Variants in AGPAT4 observed in about 807,000 individuals in gnomAD.
AGPAT4 encodes the protein 1-acylglycerol-3-phosphate O-acyltransferase 4, also known as 1-acyl-sn-glycerol-3-phosphate acyltransferase delta.
A neutral mutation model predicts 48.0 loss-of-function variants in AGPAT4; 15 were observed. The observed-to-expected ratio is 0.31, with a 90% confidence interval of 0.21 to 0.48. The LOEUF (loss-of-function observed/expected upper bound fraction) is 0.48. AGPAT4 is among the 20% of genes least tolerant of loss of function. The pLI, the probability that AGPAT4 is intolerant of heterozygous loss-of-function variation, is 0.99. For missense variants in AGPAT4, 314 were observed against 482.5 expected (o/e 0.65, Z 3.27); for synonymous variants, 178 against 198.7 (o/e 0.90, Z 0.88).
At chr6:161,256,319 C>T (rs769345367) in intron 1 of AGPAT4, among the ~76,000 whole-genome samples, 35 of 152,176 alleles carry the variant, frequency 2.3e-4, no homozygotes, top group African/African-American at 2.9e-4. Context: ...CGCATGGTGA[C>T]GGCAGCGACC....
intron 2 of AGPAT4, among the ~76,000 whole-genome samples, chr6:161,227,488 C>T (rs1424999992): frequency 6.6e-6 from 1 of 152,176 alleles, no homozygotes; most frequent in Non-Finnish European, 1.5e-5. Flanking sequence ...TCTCCGTGGT[C>T]GTTAATTTCA....
In AGPAT4 at chr6:161,212,743, T is replaced by C. The variant is rs36030076; in HGVS notation, c.178+19293A>G. On this transcript the variant is annotated intron_variant, in intron 2 of 8. Coordinates refer to ENST00000320285, the MANE Select transcript of AGPAT4 (RefSeq NM_020133.3). This position sits in a 1 kb window ranked among gnomAD's most constrained non-coding sequence, Gnocchi z 6.1. ...ATGGCTACCCTAATACATTTTGTCA[T>C]CCATGGACAATTGTCTTGTTTTGGT... Among the ~76,000 whole-genome samples, 16,658 of 152,226 alleles carry C rather than the reference T, an allele frequency of 0.11. 1,157 individuals carry two copies. The highest frequency in any genetic ancestry group is 0.2 in the African/African-American group (8,207 of 41,506).
Position 161,153,464 on chromosome 6 carries a change from C to A in AGPAT4, c.546G>T (p.Glu182Asp), listed in dbSNP as rs1562314800. 6.2e-7 allele frequency: 1 copy of A among 1,613,656 alleles called. No homozygotes were observed. Among genetic ancestry groups the A allele is most frequent in the East Asian group, 2.2e-5 (1 of 44,882 alleles). The change falls in exon 5 of 9, where the codon GAG becomes GAT. Residue 182 changes from glutamate to aspartate, a missense_variant. Coordinates refer to ENST00000320285, the MANE Select transcript of AGPAT4 (RefSeq NM_020133.3). ...LIHCEGTRFT[E>D]KKHEISMQVA... The stretch of plus-strand genomic sequence containing the variant: ...CCTGCATGCTGATCTCATGCTTCTT[C>A]TCCGTGAACCGTGTGCCCTCACAGT...
In AGPAT4 at chr6:161,272,822, T is replaced by G. The variant is rs2114770298; in HGVS notation, c.-90+1116A>C. Among the ~76,000 whole-genome samples the G allele has an allele frequency of 6.6e-6, 1 of 152,260 alleles. No individual in the cohort carries two copies. Among genetic ancestry groups the G allele is most frequent in the South Asian group, 2.1e-4 (1 of 4,826 alleles). ...AGATGAGTTAATCCTTCCACAGTTT[T>G]GAAAAAGTCTAGCAACCCTCACCTT... On this transcript the variant is annotated intron_variant, in intron 1 of 8. Coordinates refer to ENST00000320285, the MANE Select transcript of AGPAT4 (RefSeq NM_020133.3). The surrounding 1 kb of genome is among the most constrained non-coding windows in gnomAD (Gnocchi z 4.2).
chr6:161,237,249 T>C (rs929166590), intron 1 of AGPAT4, among the ~76,000 whole-genome samples: 2 of 152,180 alleles, frequency 1.3e-5, no homozygotes, highest in African/African-American at 2.4e-5. Flanking sequence ...CACTGGTAGA[T>C]TAGTAGATAT....
At position 161,160,798 on chromosome 6, in the gene AGPAT4, C is replaced by T. The variant is rs929826843; in HGVS notation, c.348+5450G>A. 15 of 350,748 alleles carry T rather than the reference C, an allele frequency of 4.3e-5. 1 individual carries two copies. In the East Asian group the frequency reaches 6.0e-4, roughly 14 times the overall value. The allele number at this position is 350,748 out of a possible 1,614,324, so 21.7% of individuals were successfully genotyped here. ...GCCCCTTCCCAGTTTCTCTTCTGAA[C>T]GGACAGCCCAGCCCTTGTGGGATGG... On this transcript the variant is annotated intron_variant, in intron 3 of 8. Transcript: ENST00000320285.
rs1239167109 is a variant in AGPAT4, at chr6:161,261,087, C to G, written c.-90+12851G>C. Among the ~76,000 whole-genome samples, 2 of 152,176 alleles carry G rather than the reference C, an allele frequency of 1.3e-5. No homozygotes were observed. Among genetic ancestry groups the G allele is most frequent in the African/African-American group, 2.4e-5 (1 of 41,444 alleles). On this transcript the variant is annotated intron_variant, in intron 1 of 8. Coordinates refer to ENST00000320285, the MANE Select transcript of AGPAT4 (RefSeq NM_020133.3). The surrounding 1 kb of genome is among the most constrained non-coding windows in gnomAD (Gnocchi z 5.3). The stretch of plus-strand genomic sequence containing the variant: ...CACCTGCCTGATGCCCTTCCCTCCC[C>G]CTTTTCTCCCACTGTTGACTTGCCA...
chr6:161,154,299 G>T lies in AGPAT4; in HGVS notation c.360C>A (p.Val120=), dbSNP rs1161992362. The T allele has an allele frequency of 1.9e-6, 3 of 1,614,026 alleles. No homozygotes were observed. In the African/African-American group the frequency reaches 4.0e-5, roughly 22 times the overall value. The change falls in exon 4 of 9, where the codon GTC becomes GTA. Residue 120 remains valine (V), a synonymous_variant. Coordinates refer to ENST00000320285, the MANE Select transcript of AGPAT4 (RefSeq NM_020133.3). This position sits in a 1 kb window ranked among gnomAD's most constrained non-coding sequence, Gnocchi z 7.8. ...ERFGLLGGSK[V]LAKKELAYVP... ...CATAGGCCAGCTCTTTCTTGGCCAG[G>T]ACCTTGGAGCCCTGAAACAGAAGAA...
Position 161,142,778 on chromosome 6 carries a change from G to C in AGPAT4, c.844-3158C>G, listed in dbSNP as rs998558314. 1.3e-5 allele frequency among the ~76,000 whole-genome samples: 2 copies of C among 152,190 alleles called. No homozygotes were observed. The highest frequency in any genetic ancestry group is 2.1e-4 in the South Asian group (1 of 4,826). On this transcript the variant is annotated intron_variant, in intron 7 of 8. Coordinates refer to ENST00000320285, the MANE Select transcript of AGPAT4 (RefSeq NM_020133.3). This position sits in a 1 kb window ranked among gnomAD's most constrained non-coding sequence, Gnocchi z 6.4. The stretch of plus-strand genomic sequence containing the variant: ...GGGAGAGGCTCTGTGAGAAGCGCTC[G>C]CAAGCCTTGGTCTCAGCCCGCAGAC...
rs1259504981 is a variant in AGPAT4, at chr6:161,134,342, T to C, written c.*2198A>G. On this transcript the variant is annotated 3_prime_UTR_variant, in exon 9 of 9. Coordinates refer to ENST00000320285, the MANE Select transcript of AGPAT4 (RefSeq NM_020133.3). ...AATTGAATGTCTGTGGGCCCCCGGATCTATGTTTTTAGAACTTACTTAGAT... is the reference window on the plus strand; with the variant it reads ...AATTGAATGTCTGTGGGCCCCCGGACCTATGTTTTTAGAACTTACTTAGAT... 6.6e-6 allele frequency: 1 copy of C among 152,168 alleles called. No homozygotes were observed. The highest frequency in any genetic ancestry group is 2.4e-5 in the African/African-American group (1 of 41,438). The allele number at this position is 152,168 out of a possible 1,614,324, so 9.4% of individuals were successfully genotyped here. A position where few individuals can be genotyped will look rare whatever the true frequency, so the allele number is the denominator to read the frequency against.
intron 1 of AGPAT4, among the ~76,000 whole-genome samples, chr6:161,241,280 A>G (rs1033944650): frequency 6.6e-6 from 1 of 151,874 alleles, no homozygotes; most frequent in Non-Finnish European, 1.5e-5. Context: ...AAAAAAAAAA[A>G]AAAAAATTAT....
rs908223937 is a variant in AGPAT4, at chr6:161,136,312, C to T, written c.*228G>A. 12 of 541,706 alleles carry T rather than the reference C, an allele frequency of 2.2e-5. No individual in the cohort carries two copies. In the East Asian group the frequency reaches 2.2e-4, roughly 10 times the overall value. The allele number at this position is 541,706 out of a possible 1,614,324, so 33.6% of individuals were successfully genotyped here. On this transcript the variant is annotated 3_prime_UTR_variant, in exon 9 of 9. Transcript: ENST00000320285. ...CCACACAGCCATTCTCACACACACT[C>T]GCACAAAAAGAAAACCAAAGCCCAC...
Position 161,139,348 on chromosome 6 carries a change from T to A in AGPAT4, c.1042+74A>T. The A allele has an allele frequency of 6.5e-7, 1 of 1,537,692 alleles. No homozygotes were observed. Among genetic ancestry groups the A allele is most frequent in the Non-Finnish European group, 8.9e-7 (1 of 1,124,568 alleles). ...GGCACAACTGCCTATACAGATGGCC[T>A]TCGTCCCAGCCCTGATGCCACCTCT... On this transcript the variant is annotated intron_variant, in intron 8 of 8. Coordinates refer to ENST00000320285, the MANE Select transcript of AGPAT4 (RefSeq NM_020133.3). The surrounding 1 kb of genome is among the most constrained non-coding windows in gnomAD (Gnocchi z 9.1).
chr6:161,270,512 T>C lies in AGPAT4; in HGVS notation c.-90+3426A>G, dbSNP rs930407393. ...GGCCAGGCACGGTGGCTCACGCCTG[T>C]AATCCCAGCATTCTGGGAGGCCAAG... On this transcript the variant is annotated intron_variant, in intron 1 of 8. Coordinates refer to ENST00000320285, the MANE Select transcript of AGPAT4 (RefSeq NM_020133.3). This position sits in a 1 kb window ranked among gnomAD's most constrained non-coding sequence, Gnocchi z 5.3. Among the ~76,000 whole-genome samples, 1 of 152,192 alleles carries C rather than the reference T, an allele frequency of 6.6e-6. No individual in the cohort carries two copies. Among genetic ancestry groups the C allele is most frequent in the Non-Finnish European group, 1.5e-5 (1 of 68,030 alleles).
In AGPAT4 at chr6:161,165,512, C is replaced by T. The variant is rs1780069202; in HGVS notation, c.348+736G>A. On this transcript the variant is annotated intron_variant, in intron 3 of 8. Coordinates refer to ENST00000320285, the MANE Select transcript of AGPAT4 (RefSeq NM_020133.3). The surrounding 1 kb of genome is among the most constrained non-coding windows in gnomAD (Gnocchi z 5.5). ...CCTGATCTCTAAGTTCTGGTGCAAA[C>T]TCTTAGGACCTTTCCTAGCCCCAGA... 1.8e-6 allele frequency: 2 copies of T among 1,092,488 alleles called. No individual in the cohort carries two copies. The highest frequency in any genetic ancestry group is 1.6e-5 in the South Asian group (1 of 61,716). The allele number at this position is 1,092,488 out of a possible 1,614,324, so 67.7% of individuals were successfully genotyped here.
intron 2 of AGPAT4, among the ~76,000 whole-genome samples, chr6:161,205,950 G>A (rs1037935349): frequency 3.9e-5 from 6 of 152,104 alleles, no homozygotes; most frequent in East Asian, 1.9e-4. Flanking sequence ...TAAAATAAAC[G>A]TAAGAGACTC....
Position 161,195,170 on chromosome 6 carries a change from A to T in AGPAT4, c.179-28753T>A, listed in dbSNP as rs1186716102. Reference sequence around the variant, plus strand: ...AAAGAATAAAATACAACTTAATTTAACCACACCAGAAACATAATTCAGAAT... The same window carrying T: ...AAAGAATAAAATACAACTTAATTTATCCACACCAGAAACATAATTCAGAAT... On this transcript the variant is annotated intron_variant, in intron 2 of 8. Transcript: ENST00000320285. This position sits in a 1 kb window ranked among gnomAD's most constrained non-coding sequence, Gnocchi z 5.0. Among the ~76,000 whole-genome samples the T allele has an allele frequency of 2.0e-5, 3 of 152,226 alleles. No homozygotes were observed. The highest frequency in any genetic ancestry group is 7.2e-5 in the African/African-American group (3 of 41,466).
At chr6:161,211,601 G>A (rs930636245) in intron 2 of AGPAT4, among the ~76,000 whole-genome samples, 1 of 152,150 alleles carries the variant, frequency 6.6e-6, no homozygotes, top group Non-Finnish European at 1.5e-5. Flanking sequence ...GTCATGAACA[G>A]TCTGTGTAAG....
chr6:161,182,958 A>C (rs1435409716), intron 2 of AGPAT4, among the ~76,000 whole-genome samples: 1 of 152,142 alleles, frequency 6.6e-6, no homozygotes, highest in African/African-American at 2.4e-5. Context: ...GAGGCATACC[A>C]CTGGCTTGAG....
Sources: allele counts gnomAD v4.1 joint callset (sites outside exome capture counted in the v4.1 genomes callset), GRCh38; gene constraint gnomAD v4.1.1; non-coding constraint Gnocchi (gnomAD v3.1); transcripts MANE v1.5; gene names NCBI Gene and HGNC (gene_info 2026-07-23, HGNC 2026-07-21).